PDCD6: variants seen among roughly 807,000 people sequenced by gnomAD.
The protein encoded by PDCD6 is programmed cell death protein 6.
A neutral mutation model predicts 28.3 loss-of-function variants in PDCD6; 12 were observed. The ratio of observed to expected loss-of-function variants is 0.42; its 90% CI spans 0.27 to 0.69. The LOEUF is 0.69. PDCD6 is among the 30% of genes least tolerant of loss of function. The pLI, the probability that PDCD6 is intolerant of heterozygous loss-of-function variation, is 0.22. For missense variants in PDCD6, 226 were observed against 269.9 expected (o/e 0.84, Z 1.14); for synonymous variants, 92 against 108.0 (o/e 0.85, Z 0.92).
intron 2 of PDCD6, among the ~76,000 whole-genome samples, chr5:281,945 G>C (rs1738596511): frequency 6.6e-6 from 1 of 151,422 alleles, no homozygotes; most frequent in African/African-American, 2.4e-5. Context: ...TAAAGACTTG[G>C]GGAGGAGCTG....
At chr5:296,848 T>C (rs1157355197) in intron 2 of PDCD6, among the ~76,000 whole-genome samples, 6 of 150,900 alleles carry the variant, frequency 4.0e-5, no homozygotes, top group Non-Finnish European at 8.9e-5. Context: ...TAAATGTACA[T>C]AGCAGCTTTT....
chr5:283,211 G>A (rs1277345853), intron 2 of PDCD6, among the ~76,000 whole-genome samples: 3 of 151,738 alleles, frequency 2.0e-5, no homozygotes, highest in Admixed American at 1.3e-4. Context: ...TCATGCAGCT[G>A]AAGACTCGGG....
intron 4 of PDCD6, 111 bp downstream of exon 4, chr5:306,871 A>C: frequency 8.8e-7 from 1 of 1,132,208 alleles, no homozygotes; most frequent in Non-Finnish European, 1.3e-6. Flanking sequence ...GGCTACGTAA[A>C]GTTTTTGTTG....
chr5:274,753 T>C (rs1263161725), intron 2 of PDCD6, among the ~76,000 whole-genome samples: 13 of 152,192 alleles, frequency 8.5e-5, no homozygotes, highest in Non-Finnish European at 1.6e-4. Flanking sequence ...TGCTCTGACT[T>C]GTGTGTTTGG....
intron 2 of PDCD6, among the ~76,000 whole-genome samples, chr5:297,720 G>A (rs1358213317): frequency 1.1e-4 from 17 of 152,182 alleles, no homozygotes; most frequent in Admixed American, 6.5e-5. Flanking sequence ...AGGCCTCCTG[G>A]TGAACACACA....
intron 3 of PDCD6, chr5:304,535 T>C (rs1740343651): frequency 6.4e-6 from 1 of 156,998 alleles, no homozygotes; most frequent in Non-Finnish European, 1.4e-5. Flanking sequence ...TATCTGGGTG[T>C]TTTTGATAGA....
intron 2 of PDCD6, among the ~76,000 whole-genome samples, chr5:303,400 A>G (rs186662293): frequency 1.6e-3 from 239 of 151,800 alleles, no homozygotes; most frequent in African/African-American, 5.4e-3. Context: ...TTTAGTGAGT[A>G]TGGAAATTAC....
chr5:290,046 T>G, intron 2 of PDCD6: 1 of 1,589,800 alleles, frequency 6.3e-7, no homozygotes, highest in Non-Finnish European at 8.6e-7. Flanking sequence ...TACTGTTAAA[T>G]CCAGTGACAA....
intron 2 of PDCD6, among the ~76,000 whole-genome samples, chr5:290,618 A>C (rs1433123286): frequency 1.3e-5 from 2 of 152,218 alleles, no homozygotes; most frequent in Non-Finnish European, 2.9e-5. Flanking sequence ...GAGAGTTACT[A>C]TTAGTGGAGA....
At position 313,149 on chromosome 5, in the gene PDCD6, A is replaced by G. The variant is rs541700747; in HGVS notation, c.478-1268A>G. ...TCCCAGGCTGTCCCCACCCTTGGAG[A>G]GTGACCCTAAACGCTAGACAGATGG... is the stretch of plus-strand genomic sequence containing the variant. On this transcript the variant is annotated intron_variant, in intron 5 of 5. Transcript: ENST00000264933. 2.0e-5 allele frequency among the ~76,000 whole-genome samples: 3 copies of G among 152,368 alleles called. No individual in the cohort carries two copies. The East Asian group carries it at 5.8e-4, about 29-fold the overall frequency.
chr5:280,777 G>T (rs1166728134), intron 2 of PDCD6, among the ~76,000 whole-genome samples: 1 of 151,380 alleles, frequency 6.6e-6, no homozygotes, highest in Non-Finnish European at 1.5e-5. Context: ...CAGGGCAGAG[G>T]GCAGGGCCGT....
chr5:300,223 A>G (rs1208694069), intron 2 of PDCD6, among the ~76,000 whole-genome samples: 1 of 152,260 alleles, frequency 6.6e-6, no homozygotes, highest in Non-Finnish European at 1.5e-5. Flanking sequence ...TTGACCAACA[A>G]GGTGATGGAT....
chr5:280,703 C>T (rs1216498637), intron 2 of PDCD6, among the ~76,000 whole-genome samples: 9 of 147,440 alleles, frequency 6.1e-5, no homozygotes. Flanking sequence ...GGGCAGAGGG[C>T]AGGGCTGTGA....
chr5:275,349 C>T (rs1163673983), intron 2 of PDCD6, among the ~76,000 whole-genome samples: 2 of 152,240 alleles, frequency 1.3e-5, no homozygotes, highest in African/African-American at 4.8e-5. Context: ...CGCTGGCTTT[C>T]GGGCTCACAC....
In PDCD6 at chr5:278,731, G is replaced by A. The variant is rs145133522; in HGVS notation, c.163+5959G>A. 2.8e-3 allele frequency among the ~76,000 whole-genome samples: 401 copies of A among 142,190 alleles called. 1 individual carries two copies. Among genetic ancestry groups the A allele is most frequent in the African/African-American group, 1.0e-2 (385 of 38,536 alleles). The allele number at this position is 142,190 out of a possible 152,430, so 93.3% of individuals were successfully genotyped here. ...CTGTCTCAAATAAAACAAAAGGAAA[G>A]AAAGAAAATGAAAAAAAGAAAGAGA... On this transcript the variant is annotated intron_variant, in intron 2 of 5. Coordinates refer to ENST00000264933, the MANE Select transcript of PDCD6 (RefSeq NM_013232.4).
chr5:312,678 C>T (rs146746674), intron 5 of PDCD6, among the ~76,000 whole-genome samples: 146 of 152,170 alleles, frequency 9.6e-4, no homozygotes, highest in African/African-American at 3.3e-3. Flanking sequence ...GGCCTGGTGT[C>T]GCATGCCTGT....
chr5:276,566 A>G (rs1296690925), intron 2 of PDCD6: 5 of 980,700 alleles, frequency 5.1e-6, no homozygotes, highest in East Asian at 1.1e-4. Flanking sequence ...CTATACTAAT[A>G]TGAATTCCTA....
intron 2 of PDCD6, among the ~76,000 whole-genome samples, chr5:283,046 G>T (rs1384841049): frequency 4.6e-5 from 7 of 150,788 alleles, no homozygotes; most frequent in African/African-American, 1.7e-4. Context: ...AGCTTATGTT[G>T]TTCACTTTGA....
chr5:311,069 C>T, intron 4 of PDCD6: 1 of 492,236 alleles, frequency 2.0e-6, no homozygotes, highest in Non-Finnish European at 3.6e-6. Flanking sequence ...GGGTCATGGT[C>T]TCAAGGGGTC....
Sources: allele counts gnomAD v4.1 joint callset (sites outside exome capture counted in the v4.1 genomes callset), GRCh38; gene constraint gnomAD v4.1.1; transcripts MANE v1.5; gene names NCBI Gene and HGNC (gene_info 2026-07-23, HGNC 2026-07-21).